PABPC4L: variants seen among roughly 807,000 people sequenced by gnomAD.
PABPC4L encodes the protein poly(A) binding protein cytoplasmic 4 like.
For synonymous variants in PABPC4L, 169 were observed against 164.1 expected (o/e 1.03, Z -0.23); for missense variants, 452 against 451.4 (o/e 1.00, Z -0.01).
At chr4:134,066,169 A>C in the PABPC4L span, among the ~76,000 whole-genome samples, 1 of 152,096 alleles carries the variant, frequency 6.6e-6, no homozygotes, top group African/African-American at 2.4e-5. Flanking sequence ...ATGGGAAAGT[A>C]TTGAATCTCT....
chr4:134,100,451 A>G, the PABPC4L span, among the ~76,000 whole-genome samples: 1 of 151,612 alleles, frequency 6.6e-6, no homozygotes, highest in African/African-American at 2.4e-5. Flanking sequence ...CCTTGTATTA[A>G]AAAAATACGT....
chr4:134,138,303 T>C, the PABPC4L span, among the ~76,000 whole-genome samples: 1 of 151,782 alleles, frequency 6.6e-6, no homozygotes, highest in African/African-American at 2.4e-5. Flanking sequence ...CCCTGATCAA[T>C]TGGGAAGAAA....
At chr4:134,201,313 C>G (rs1729874939) in intron 1 of PABPC4L, 68 bp from the exon 2 acceptor site, 1 of 1,350,224 alleles carries the variant, frequency 7.4e-7, no homozygotes, top group Non-Finnish European at 9.7e-7. Context: ...GAGAAAACTT[C>G]AAGTGGCGGG....
the PABPC4L span, among the ~76,000 whole-genome samples, chr4:134,008,459 T>TA: frequency 4.1e-3 from 624 of 150,604 alleles, 5 homozygotes; most frequent in African/African-American, 0.014. Context: ...AAGAAAGTAT[T>TA]AAAAAAAAAC....
At chr4:134,100,184 A>C in the PABPC4L span, among the ~76,000 whole-genome samples, 1 of 151,720 alleles carries the variant, frequency 6.6e-6, no homozygotes, top group Non-Finnish European at 1.5e-5. Context: ...TTGAACTCCA[A>C]GCATCAGCAC....
the PABPC4L span, among the ~76,000 whole-genome samples, chr4:134,176,150 A>C: frequency 6.6e-6 from 1 of 152,152 alleles, no homozygotes; most frequent in Non-Finnish European, 1.5e-5. Flanking sequence ...ATTAAAGTTA[A>C]TTATTCTCTT....
chr4:133,988,632 G>C, the PABPC4L span, among the ~76,000 whole-genome samples: 5 of 152,176 alleles, frequency 3.3e-5, no homozygotes, highest in Admixed American at 2.6e-4. Flanking sequence ...GCTTTCACAG[G>C]CTCACATTGA....
chr4:134,083,422 G>T, the PABPC4L span, among the ~76,000 whole-genome samples: 1 of 152,186 alleles, frequency 6.6e-6, no homozygotes, highest in South Asian at 2.1e-4. Context: ...TACCAAGAGG[G>T]ATATATCCTG....
chr4:133,949,119 G>T, the PABPC4L span, among the ~76,000 whole-genome samples: 1 of 152,086 alleles, frequency 6.6e-6, no homozygotes, highest in East Asian at 1.9e-4. Context: ...TGGCATGGGG[G>T]CCCTTATATA....
chr4:133,971,382 A>C, the PABPC4L span, among the ~76,000 whole-genome samples: 1 of 151,996 alleles, frequency 6.6e-6, no homozygotes, highest in Non-Finnish European at 1.5e-5. Flanking sequence ...AAGTGCTGGG[A>C]TTATAGGCGT....
chr4:134,032,645 T>C, the PABPC4L span, among the ~76,000 whole-genome samples: 125 of 151,958 alleles, frequency 8.2e-4, 1 homozygote, highest in Non-Finnish European at 1.3e-3. Context: ...AAAAAGAAGA[T>C]AAGGCCTGGT....
Position 134,201,169 on chromosome 4 carries a change from C to G in PABPC4L, c.-150G>C. The G allele has an allele frequency of 6.5e-7, 1 of 1,548,796 alleles. No homozygotes were observed. The highest frequency in any genetic ancestry group is 8.7e-7 in the Non-Finnish European group (1 of 1,146,128). ...CAAGCAATGGAGTTCAGACACGACT[C>G]CCCCAGCTCAGGCAACACCCTCATC... On this transcript the variant is annotated 5_prime_UTR_variant, in exon 2 of 2. Transcript: ENST00000421491.
At chr4:134,112,368 T>C in the PABPC4L span, among the ~76,000 whole-genome samples, 2 of 151,918 alleles carry the variant, frequency 1.3e-5, no homozygotes, top group African/African-American at 4.8e-5. Flanking sequence ...TACGGATGAT[T>C]TTATCGTTGT....
the PABPC4L span, among the ~76,000 whole-genome samples, chr4:134,163,803 T>C: frequency 6.6e-6 from 1 of 152,080 alleles, no homozygotes; most frequent in Non-Finnish European, 1.5e-5. Flanking sequence ...ATCTCTTTAT[T>C]ATAAAAATCC....
At chr4:134,146,624 T>C in the PABPC4L span, among the ~76,000 whole-genome samples, 1 of 152,012 alleles carries the variant, frequency 6.6e-6, no homozygotes, top group Admixed American at 6.6e-5. Flanking sequence ...ACATGGACAC[T>C]GAGGAGTGAG....
At chr4:134,071,160 T>A in the PABPC4L span, among the ~76,000 whole-genome samples, 1 of 152,310 alleles carries the variant, frequency 6.6e-6, no homozygotes, top group East Asian at 1.9e-4. Context: ...GCTCAACTCC[T>A]GTTCAGCTCA....
chr4:134,058,390 T>A, the PABPC4L span, among the ~76,000 whole-genome samples: 15 of 151,984 alleles, frequency 9.9e-5, no homozygotes, highest in African/African-American at 3.6e-4. Context: ...CTTCTTATGA[T>A]AAACTAGGGT....
At chr4:134,037,514 T>A in the PABPC4L span, among the ~76,000 whole-genome samples, 10 of 152,086 alleles carry the variant, frequency 6.6e-5, no homozygotes, top group Admixed American at 2.0e-4. Flanking sequence ...TTCAAACAAA[T>A]CTCTGAAATA....
At chr4:134,045,906 T>C in the PABPC4L span, among the ~76,000 whole-genome samples, 2 of 152,304 alleles carry the variant, frequency 1.3e-5, no homozygotes, top group East Asian at 3.9e-4. Context: ...GAAACATTAA[T>C]GTAGTATCCA....
Sources: gnomAD v4.1 joint callset for allele counts (sites outside exome capture counted in the v4.1 genomes callset) on GRCh38, gnomAD v4.1.1 for gene constraint, MANE v1.5 for transcripts, NCBI Gene and HGNC (gene_info 2026-07-23, HGNC 2026-07-21) for gene names.